The following PCDHGB5 variants were observed in gnomAD, a reference collection of about 807,000 sequenced individuals.
PCDHGB5 encodes the protein protocadherin gamma subfamily B, 5.
In PCDHGB5, 48 loss-of-function variants were observed where a neutral mutation model predicts 62.9. The ratio of observed to expected loss-of-function variants is 0.76; its 90% confidence interval spans 0.61 to 0.97. The LOEUF is 0.97. Among genes scored for constraint, PCDHGB5 ranks in the 50% least tolerant of loss-of-function variants. PCDHGB5 has a pLI of 0.00. For synonymous variants in PCDHGB5, 474 were observed against 511.2 expected, an observed-to-expected ratio of 0.93 and a Z score of 0.98; for missense variants, 1,118 against 1,198.6, an observed-to-expected ratio of 0.93 and a Z score of 0.99.
At chr5:141,413,648 TC>T in intron 1 of PCDHGB5, 1 of 1,613,820 alleles carries the variant, frequency 6.2e-7, no homozygotes, top group Non-Finnish European at 8.5e-7. Context: ...CGTTTTCCTC[TC>T]CCGGAAGCTA....
chr5:141,455,343 G>A (rs1462807460), intron 1 of PCDHGB5, among the ~76,000 whole-genome samples: 1 of 152,036 alleles, frequency 6.6e-6, no homozygotes, highest in African/African-American at 2.4e-5. Flanking sequence ...TTTAAGGAGC[G>A]GAGAGTTTAA....
chr5:141,414,210 T>C (rs1252033650), intron 1 of PCDHGB5: 1 of 1,612,706 alleles, frequency 6.2e-7, no homozygotes, highest in East Asian at 2.2e-5. Flanking sequence ...AAGATGTAAA[T>C]GACAACAGTC....
intron 1 of PCDHGB5, among the ~76,000 whole-genome samples, chr5:141,434,766 A>T (rs1383531828): frequency 1.3e-5 from 2 of 151,012 alleles, no homozygotes; most frequent in Non-Finnish European, 3.0e-5. Context: ...CCCACTTCAC[A>T]CTTCTAAAAA....
At chr5:141,466,974 C>G (rs1314224956) in intron 1 of PCDHGB5, among the ~76,000 whole-genome samples, 1 of 151,944 alleles carries the variant, frequency 6.6e-6, no homozygotes, top group Non-Finnish European at 1.5e-5. Context: ...TCTCACAGCT[C>G]ATCATTTACC....
intron 1 of PCDHGB5, among the ~76,000 whole-genome samples, chr5:141,434,831 A>T (rs1328843764): frequency 6.6e-6 from 1 of 151,904 alleles, no homozygotes; most frequent in East Asian, 1.9e-4. Flanking sequence ...TACACTTGGC[A>T]TTTATAAAGC....
chr5:141,492,316 G>C (rs1283387204), intron 1 of PCDHGB5, among the ~76,000 whole-genome samples: 1 of 152,190 alleles, frequency 6.6e-6, no homozygotes. Context: ...CGCACTCCTC[G>C]CACGTGGGCT....
At chr5:141,413,827 G>A (rs2154544774) in intron 1 of PCDHGB5, 1 of 1,613,200 alleles carries the variant, frequency 6.2e-7, no homozygotes. Context: ...GGTCCTCACC[G>A]CCTCCGACGG....
At chr5:141,425,018 T>C (rs2096853023) in intron 1 of PCDHGB5, among the ~76,000 whole-genome samples, 1 of 152,224 alleles carries the variant, frequency 6.6e-6, no homozygotes, top group Non-Finnish European at 1.5e-5. Context: ...TTTAGGAATT[T>C]ACCTTATGTC....
intron 1 of PCDHGB5, chr5:141,410,663 T>C (rs2095415377): frequency 6.4e-7 from 1 of 1,570,102 alleles, no homozygotes; most frequent in Non-Finnish European, 8.6e-7. Flanking sequence ...AATAGTCTAC[T>C]AGTTTCTCAT....
chr5:141,443,118 C>A (rs1474257262), intron 1 of PCDHGB5, among the ~76,000 whole-genome samples: 1 of 151,762 alleles, frequency 6.6e-6, no homozygotes, highest in Non-Finnish European at 1.5e-5. Flanking sequence ...GCTTTTCAAA[C>A]CAGATTAAGA....
Position 141,489,575 on chromosome 5 carries a change from AC to A in PCDHGB5, c.2398-5227del. On this transcript the variant is annotated intron_variant, in intron 1 of 3. Coordinates refer to ENST00000617380, the MANE Select transcript of PCDHGB5 (RefSeq NM_018925.3). This position sits in a 1 kb window ranked among gnomAD's most constrained non-coding sequence, Gnocchi z 4.5. ...CTGCCAGTGCAGGTGGTGACTGAAC[AC>A]CCCCTGGAGCTAATCCGTGTAGAGG... 1 of 1,613,788 alleles carries A rather than the reference AC, an allele frequency of 6.2e-7. No individual in the cohort carries two copies. Among genetic ancestry groups the A allele is most frequent in the Middle Eastern group, 1.6e-4 (1 of 6,062 alleles).
At chr5:141,468,797 C>A (rs191599825) in intron 1 of PCDHGB5, among the ~76,000 whole-genome samples, 1 of 151,770 alleles carries the variant, frequency 6.6e-6, no homozygotes, top group East Asian at 1.9e-4. Context: ...ACCCGGGAGG[C>A]GGAACTTGCA....
At chr5:141,464,680 A>G (rs747974832) in intron 1 of PCDHGB5, among the ~76,000 whole-genome samples, 3 of 152,144 alleles carry the variant, frequency 2.0e-5, no homozygotes, top group Non-Finnish European at 4.4e-5. Flanking sequence ...TTTTAATTAA[A>G]ATTTCTCTTA....
chr5:141,480,021 C>G (rs1415230863), intron 1 of PCDHGB5, among the ~76,000 whole-genome samples: 1 of 152,208 alleles, frequency 6.6e-6, no homozygotes, highest in Non-Finnish European at 1.5e-5. Context: ...AATCTCCTTT[C>G]TAAGCCTCTT....
intron 1 of PCDHGB5, among the ~76,000 whole-genome samples, chr5:141,483,024 G>A (rs1210804345): frequency 6.6e-6 from 1 of 152,094 alleles, no homozygotes; most frequent in Non-Finnish European, 1.5e-5. Context: ...GGCAGAGGTT[G>A]CAATGAGCTG....
Position 141,491,930 on chromosome 5 carries a change from G to A in PCDHGB5, c.2398-2877G>A, listed in dbSNP as rs2099735399. On this transcript the variant is annotated intron_variant, in intron 1 of 3. Transcript: ENST00000617380. The surrounding 1 kb of genome is among the most constrained non-coding windows in gnomAD (Gnocchi z 6.9). ...GTGGCGACTGTGGGCGAGGGGAGGT[G>A]GGACCGACCCCCACCCCTACACTCA... 1.6e-6 allele frequency: 2 copies of A among 1,276,580 alleles called. No homozygotes were observed. The highest frequency in any genetic ancestry group is 2.1e-6 in the Non-Finnish European group (2 of 943,112). 79.1% of individuals were successfully genotyped at this position (1,276,580 alleles called of 1,614,324 possible).
Position 141,432,211 on chromosome 5 carries a change from C to A in PCDHGB5, c.2397+31687C>A, listed in dbSNP as rs1390215329. On this transcript the variant is annotated intron_variant, in intron 1 of 3. Coordinates refer to ENST00000617380, the MANE Select transcript of PCDHGB5 (RefSeq NM_018925.3). The surrounding 1 kb of genome is among the most constrained non-coding windows in gnomAD (Gnocchi z 6.0). The stretch of plus-strand genomic sequence containing the variant: ...CCCACGACCCCGACTGTGAAGAGAA[C>A]GCCCAGATCACTTATTCCCTGGCTG... 1 of 1,614,232 alleles carries A rather than the reference C, an allele frequency of 6.2e-7. No individual in the cohort carries two copies. Among genetic ancestry groups the A allele is most frequent in the Admixed American group, 1.7e-5 (1 of 60,032 alleles).
chr5:141,409,338 A>C, intron 1 of PCDHGB5: 5 of 1,614,002 alleles, frequency 3.1e-6, no homozygotes, highest in Non-Finnish European at 4.2e-6. Flanking sequence ...TTCGGAGGAA[A>C]TGGAGAAGTC....
At chr5:141,405,938 G>A (rs1249578216) in intron 1 of PCDHGB5, among the ~76,000 whole-genome samples, 2 of 152,114 alleles carry the variant, frequency 1.3e-5, no homozygotes, top group Non-Finnish European at 2.9e-5. Flanking sequence ...TAACTTTCAT[G>A]TTCTCATAAT....
Sources: allele counts gnomAD v4.1 joint callset (sites outside exome capture counted in the v4.1 genomes callset), GRCh38; gene constraint gnomAD v4.1.1; non-coding constraint Gnocchi (gnomAD v3.1); transcripts MANE v1.5; gene names NCBI Gene and HGNC (gene_info 2026-07-23, HGNC 2026-07-21).